Variants in MRTFA observed in about 807,000 individuals in gnomAD.
MRTFA encodes the protein myocardin related transcription factor A.
A neutral mutation model predicts 83.5 loss-of-function variants in MRTFA; 20 were observed. The ratio of observed to expected loss-of-function variants is 0.24; its 90% CI spans 0.17 to 0.35. The LOEUF (loss-of-function observed/expected upper bound fraction) is 0.35. Among genes scored for constraint, MRTFA ranks in the 10% least tolerant of loss-of-function variants. MRTFA has a pLI of 1.00. For synonymous variants in MRTFA, 659 were observed against 541.2 expected, an observed-to-expected ratio of 1.22 and a Z score of -3.02; for missense variants, 1,200 against 1,224.7, an observed-to-expected ratio of 0.98 and a Z score of 0.30.
rs773732518 is a variant in MRTFA at position 40,420,517 on chromosome 22, G to T, written c.1241C>A (p.Thr414Asn). 6 of 1,613,812 alleles carry T rather than the reference G, an allele frequency of 3.7e-6. No individual in the cohort carries two copies. Among genetic ancestry groups the T allele is most frequent in the Non-Finnish European group, 3.4e-6 (4 of 1,180,030 alleles). The change falls in exon 11 of 15, where the codon ACC becomes AAC. Residue 414 changes from threonine (T) to asparagine (N), a missense_variant. Thr to Asn is a moderately conservative substitution (Grantham distance 65). This residue lies in a region of MRTFA where 1,107 missense variants were observed against 1,041.8 expected (regional missense o/e 1.06). Coordinates refer to ENST00000355630, the MANE Select transcript of MRTFA (RefSeq NM_020831.6). ...GGCGCCCGAGCTGGAGCTGCTATTG[G>T]TAGTGGAGAGGCTGCGTACTGGGGG...
At chr22:40,445,445 C>T (rs1416369157) in intron 4 of MRTFA, among the ~76,000 whole-genome samples, 1 of 152,172 alleles carries the variant, frequency 6.6e-6, no homozygotes, top group Non-Finnish European at 1.5e-5. Flanking sequence ...TTCAATATAA[C>T]CTACAGTCCA....
intron 3 of MRTFA, among the ~76,000 whole-genome samples, chr22:40,512,427 A>T (rs1033729340): frequency 6.6e-6 from 1 of 152,220 alleles, no homozygotes; most frequent in Non-Finnish European, 1.5e-5. Flanking sequence ...TCACCTAGAA[A>T]CATACCTAAT....
intron 1 of MRTFA, among the ~76,000 whole-genome samples, chr22:40,605,843 C>A (rs912602695): frequency 1.3e-5 from 2 of 152,124 alleles, no homozygotes; most frequent in African/African-American, 2.4e-5. Context: ...TGAGGAGGTT[C>A]CTGGGAAGCT....
At chr22:40,577,714 C>T (rs554285841) in intron 2 of MRTFA, among the ~76,000 whole-genome samples, 8 of 151,222 alleles carry the variant, frequency 5.3e-5, no homozygotes, top group Non-Finnish European at 1.2e-4. Context: ...TCAAGCGACT[C>T]TCCTGCCTCA....
intron 2 of MRTFA, among the ~76,000 whole-genome samples, chr22:40,565,916 C>T (rs1401747288): frequency 6.6e-6 from 1 of 152,106 alleles, no homozygotes; most frequent in Non-Finnish European, 1.5e-5. Flanking sequence ...GTATATTTAC[C>T]TAAATTATCC....
At chr22:40,581,654 C>T (rs2055948963) in intron 2 of MRTFA, among the ~76,000 whole-genome samples, 1 of 152,070 alleles carries the variant, frequency 6.6e-6, no homozygotes, top group South Asian at 2.1e-4. Context: ...ATATATACAA[C>T]TTATTCCTTT....
At chr22:40,502,495 G>C (rs867771988) in intron 3 of MRTFA, among the ~76,000 whole-genome samples, 2 of 141,374 alleles carry the variant, frequency 1.4e-5, no homozygotes, top group Admixed American at 1.4e-4. Flanking sequence ...TCACTTCCTA[G>C]ATGTGATGGC....
At chr22:40,490,890 T>C (rs1216202093) in intron 3 of MRTFA, among the ~76,000 whole-genome samples, 1 of 152,222 alleles carries the variant, frequency 6.6e-6, no homozygotes, top group Non-Finnish European at 1.5e-5. Context: ...TTCTCTTTTA[T>C]TCATATTTGA....
At chr22:40,530,176 C>T (rs1041297820) in intron 3 of MRTFA, among the ~76,000 whole-genome samples, 1 of 152,226 alleles carries the variant, frequency 6.6e-6, no homozygotes, top group Admixed American at 6.5e-5. Flanking sequence ...TACACATTAG[C>T]TGTCAAGAGC....
At chr22:40,476,090 G>A (rs186160339) in intron 3 of MRTFA, among the ~76,000 whole-genome samples, 3 of 150,354 alleles carry the variant, frequency 2.0e-5, no homozygotes, top group African/African-American at 7.3e-5. Flanking sequence ...CTTGCAGTGA[G>A]CTGAGATCGC....
At position 40,498,280 on chromosome 22, in the gene MRTFA, T is replaced by A. The variant is rs1317835022; in HGVS notation, c.242-34994A>T. Among the ~76,000 whole-genome samples, 232 of 100,108 alleles carry A rather than the reference T, an allele frequency of 2.3e-3. 2 individuals are homozygous for A. Among genetic ancestry groups the A allele is most frequent in the Middle Eastern group, 0.018 (4 of 218 alleles). 65.7% of individuals were successfully genotyped at this position (100,108 alleles called of 152,430 possible). A position where few individuals can be genotyped will look rare whatever the true frequency, so the allele number is the denominator to read the frequency against. On this transcript the variant is annotated intron_variant, in intron 3 of 14. Transcript: ENST00000355630. ...ATATATATATATATATATATTTTTTTTTTTTTTTTTTTTTTTTTTTTTGAG... is the reference window on the plus strand; with the variant it reads ...ATATATATATATATATATATTTTTTATTTTTTTTTTTTTTTTTTTTTTGAG...
chr22:40,517,462 T>G (rs148235640), intron 3 of MRTFA, among the ~76,000 whole-genome samples: 3 of 152,168 alleles, frequency 2.0e-5, no homozygotes, highest in African/African-American at 7.2e-5. Flanking sequence ...CAATATAGTA[T>G]AGTGGTAAAG....
At chr22:40,476,834 A>T (rs2054005396) in intron 3 of MRTFA, among the ~76,000 whole-genome samples, 1 of 152,160 alleles carries the variant, frequency 6.6e-6, no homozygotes, top group Non-Finnish European at 1.5e-5. Flanking sequence ...AGCACAGTGT[A>T]CACTGTGCCA....
At chr22:40,469,385 C>T (rs1422507080) in intron 3 of MRTFA, among the ~76,000 whole-genome samples, 1 of 152,168 alleles carries the variant, frequency 6.6e-6, no homozygotes, top group Non-Finnish European at 1.5e-5. Context: ...TGCTCCCTCT[C>T]TCGCCATGTG....
At chr22:40,571,086 G>A (rs1355990742) in intron 2 of MRTFA, among the ~76,000 whole-genome samples, 2 of 145,684 alleles carry the variant, frequency 1.4e-5, no homozygotes, top group Admixed American at 7.0e-5. Context: ...GTGTGCGCCT[G>A]TAGTCCCAGC....
intron 2 of MRTFA, among the ~76,000 whole-genome samples, chr22:40,557,180 A>T (rs2055537661): frequency 6.6e-6 from 1 of 152,236 alleles, no homozygotes; most frequent in Non-Finnish European, 1.5e-5. Flanking sequence ...CATAAAGATA[A>T]TCTAGGGAAC....
intron 3 of MRTFA, among the ~76,000 whole-genome samples, chr22:40,473,040 C>G (rs960691546): frequency 6.6e-6 from 1 of 152,152 alleles, no homozygotes; most frequent in African/African-American, 2.4e-5. Context: ...GAGATAAAAT[C>G]TGTTATCTCT....
chr22:40,461,566 C>G (rs956308930), intron 4 of MRTFA, among the ~76,000 whole-genome samples: 1 of 148,130 alleles, frequency 6.8e-6, no homozygotes, highest in African/African-American at 2.5e-5. Flanking sequence ...AGGAGGATCA[C>G]GAGGCCAAGA....
At chr22:40,538,908 A>C (rs2055235779) in intron 3 of MRTFA, among the ~76,000 whole-genome samples, 1 of 152,054 alleles carries the variant, frequency 6.6e-6, no homozygotes, top group Admixed American at 6.6e-5. Context: ...CTAACTAGCT[A>C]ATCAACACAA....
Sources: allele counts gnomAD v4.1 joint callset (sites outside exome capture counted in the v4.1 genomes callset), GRCh38; gene constraint gnomAD v4.1.1; regional missense constraint gnomAD v4.1.1; transcripts MANE v1.5; gene names NCBI Gene and HGNC (gene_info 2026-07-23, HGNC 2026-07-21).